Variants in TOM1 observed in about 807,000 individuals in gnomAD.
The protein encoded by TOM1 is target of myb1 membrane trafficking protein.
Under a neutral mutation model 61.3 loss-of-function variants are expected in TOM1, and 38 were observed. The ratio of observed to expected loss-of-function variants is 0.62; its 90% CI spans 0.48 to 0.81. TOM1 has a LOEUF of 0.81. Ranked by LOEUF, TOM1 falls within the 40% of genes least tolerant of loss-of-function variation. TOM1 has a pLI of 0.00. For synonymous variants in TOM1, 270 were observed against 268.8 expected, an observed-to-expected ratio of 1.00 and a Z score of -0.04; for missense variants, 591 against 659.6, an observed-to-expected ratio of 0.90 and a Z score of 1.14.
chr22:35,305,421 G>A (rs2145606983), intron 1 of TOM1, among the ~76,000 whole-genome samples: 3 of 152,340 alleles, frequency 2.0e-5, no homozygotes, highest in Admixed American at 2.0e-4. Context: ...CAGCACGTTG[G>A]GAGGCCGAGG....
intron 1 of TOM1, among the ~76,000 whole-genome samples, chr22:35,309,423 C>G (rs1382788971): frequency 6.6e-6 from 1 of 152,144 alleles, no homozygotes; most frequent in Non-Finnish European, 1.5e-5. Context: ...ACAGGCAGAT[C>G]GCCTGAGGTC....
At chr22:35,319,909 G>A (rs1927625956) in intron 2 of TOM1, among the ~76,000 whole-genome samples, 1 of 152,240 alleles carries the variant, frequency 6.6e-6, no homozygotes, top group Non-Finnish European at 1.5e-5. Context: ...CCCCCAGGCA[G>A]GCTCTGTCCC....
At chr22:35,325,804 T>C (rs1928259425) in intron 6 of TOM1, among the ~76,000 whole-genome samples, 1 of 152,214 alleles carries the variant, frequency 6.6e-6, no homozygotes, top group Non-Finnish European at 1.5e-5. Context: ...ACAAAACTAA[T>C]CTTTGTTTAA....
At chr22:35,320,818 T>C in intron 2 of TOM1, among the ~76,000 whole-genome samples, 1 of 151,864 alleles carries the variant, frequency 6.6e-6, no homozygotes. Context: ...TATTGGGTGC[T>C]TAATAAGAGT....
chr22:35,325,060 G>C (rs916877238), intron 6 of TOM1, among the ~76,000 whole-genome samples: 3 of 152,248 alleles, frequency 2.0e-5, no homozygotes, highest in African/African-American at 7.2e-5. Context: ...AGCTCGTAGA[G>C]CTGGGGGCTT....
chr22:35,327,447 A>G, intron 7 of TOM1, 60 bp downstream of exon 7: 1 of 1,179,010 alleles, frequency 8.5e-7, no homozygotes, highest in South Asian at 1.2e-5. Context: ...GCCCACATGC[A>G]TTCTTTCCCA....
At chr22:35,319,871 G>A (rs566297245) in intron 2 of TOM1, among the ~76,000 whole-genome samples, 4 of 152,306 alleles carry the variant, frequency 2.6e-5, no homozygotes, top group East Asian at 1.9e-4. Context: ...CCCTTCCACC[G>A]CAGGCCTGAC....
chr22:35,299,981 G>C lies in TOM1; in HGVS notation c.52+1G>C. The C allele has an allele frequency of 6.4e-7, 1 of 1,571,622 alleles. No individual in the cohort carries two copies. Among genetic ancestry groups the C allele is most frequent in the Non-Finnish European group, 8.6e-7 (1 of 1,157,450 alleles). On this transcript the variant is annotated splice_donor_variant, in intron 1 of 14. Coordinates refer to ENST00000449058, the MANE Select transcript of TOM1 (RefSeq NM_005488.3). LOFTEE classifies it high-confidence loss of function. ...AGCTCTCCAGTGGGACAGCGCATCG[G>C]TGAGTCCCTGGAGCCCCCCACAGCT... is the stretch of plus-strand genomic sequence containing the variant.
At chr22:35,316,810 C>G (rs969509358) in intron 1 of TOM1, among the ~76,000 whole-genome samples, 2 of 152,114 alleles carry the variant, frequency 1.3e-5, no homozygotes, top group African/African-American at 4.8e-5. Flanking sequence ...GAACCACCAC[C>G]ACTTGCTGAG....
intron 7 of TOM1, among the ~76,000 whole-genome samples, chr22:35,329,313 G>A (rs145683282): frequency 2.0e-5 from 3 of 152,312 alleles, no homozygotes; most frequent in East Asian, 1.9e-4. Context: ...AGTCGGTGAC[G>A]TGATAACTAA....
At chr22:35,332,531 A>G (rs144192361) in intron 8 of TOM1, among the ~76,000 whole-genome samples, 68 of 152,156 alleles carry the variant, frequency 4.5e-4, no homozygotes, top group Non-Finnish European at 6.6e-4. Context: ...AAGTAGCTCC[A>G]TAAAACAAGA....
intron 1 of TOM1, among the ~76,000 whole-genome samples, chr22:35,308,654 A>G (rs144626971): frequency 1.3e-5 from 2 of 152,234 alleles, no homozygotes; most frequent in East Asian, 3.9e-4. Flanking sequence ...ATTGTCAGCA[A>G]TACCTTTTAC....
rs553245710 is a variant in TOM1, at chr22:35,338,154, A to G, written c.1149-559A>G. ...TCCCCACCCTGCCTAGCTGGCTGGC[A>G]CCCCCCAGAGGACATTTAGAAGAGC... On this transcript the variant is annotated intron_variant, in intron 11 of 14. Transcript: ENST00000449058. Among the ~76,000 whole-genome samples, 36 of 151,604 alleles carry G rather than the reference A, an allele frequency of 2.4e-4. No homozygotes were observed. The South Asian group carries it at 7.1e-3, about 30-fold the overall frequency.
intron 1 of TOM1, among the ~76,000 whole-genome samples, chr22:35,317,407 T>C (rs1927389031): frequency 6.6e-6 from 1 of 152,110 alleles, no homozygotes; most frequent in Admixed American, 6.5e-5. Context: ...CAGGCTGGTC[T>C]CAACTCCTGA....
rs534619378 is a variant in TOM1 at position 35,341,539 on chromosome 22, C to T, written c.1224+2751C>T. Among the ~76,000 whole-genome samples, 681 of 152,222 alleles carry T rather than the reference C, an allele frequency of 4.5e-3. 5 individuals are homozygous for T. The highest frequency in any genetic ancestry group is 0.015 in the African/African-American group (632 of 41,516). On this transcript the variant is annotated intron_variant, in intron 12 of 14. Coordinates refer to ENST00000449058, the MANE Select transcript of TOM1 (RefSeq NM_005488.3). Reference sequence around the variant, plus strand: ...GGGATTCATCGGAACCAACACACCGCGAGCCTGCTGTAGGAGCTCCCCTCT... The same window carrying T: ...GGGATTCATCGGAACCAACACACCGTGAGCCTGCTGTAGGAGCTCCCCTCT...
At chr22:35,319,711 G>A (rs994986921) in intron 2 of TOM1, among the ~76,000 whole-genome samples, 10 of 152,336 alleles carry the variant, frequency 6.6e-5, no homozygotes, top group African/African-American at 2.2e-4. Flanking sequence ...ACTATAAAGC[G>A]CTGAAGTAGC....
upstream of TOM1, chr22:35,299,700 A>T: frequency 1.7e-6 from 1 of 577,340 alleles, no homozygotes; most frequent in Non-Finnish European, 3.1e-6. Flanking sequence ...CAGACCCTAC[A>T]TCGTGTGTGA....
At chr22:35,338,317 C>T (rs1929560277) in intron 11 of TOM1, among the ~76,000 whole-genome samples, 1 of 152,192 alleles carries the variant, frequency 6.6e-6, no homozygotes, top group Admixed American at 6.5e-5. Flanking sequence ...TGGAATCCCC[C>T]ATTCAAATAC....
At chr22:35,319,327 A>G (rs1279964943) in intron 2 of TOM1, among the ~76,000 whole-genome samples, 1 of 152,172 alleles carries the variant, frequency 6.6e-6, no homozygotes, top group Admixed American at 6.5e-5. Context: ...TCCAGGCAAC[A>G]CAGGAGGCAC....
Sources: gnomAD v4.1 joint callset for allele counts (sites outside exome capture counted in the v4.1 genomes callset) on GRCh38, gnomAD v4.1.1 for gene constraint, MANE v1.5 for transcripts, NCBI Gene and HGNC (gene_info 2026-07-23, HGNC 2026-07-21) for gene names.